The following NDUFA11 variants were observed in gnomAD, a reference collection of about 807,000 sequenced individuals.
NDUFA11 encodes NADH dehydrogenase [ubiquinone] 1 alpha subcomplex subunit 11.
Under a neutral mutation model 11.3 loss-of-function variants are expected in NDUFA11, and 14 were observed. The observed-to-expected ratio is 1.24, with a 90% confidence interval of 0.82 to 1.94. The LOEUF (loss-of-function observed/expected upper bound fraction) is 1.94. NDUFA11 is among the 30% of genes most tolerant of loss of function. NDUFA11 has a pLI of 0.00. For synonymous variants in NDUFA11, 87 were observed against 85.6 expected (o/e 1.02, Z -0.09); for missense variants, 204 against 200.3 (o/e 1.02, Z -0.11).
At chr19:5,899,082 C>T (rs543014915) in intron 1 of NDUFA11, among the ~76,000 whole-genome samples, 2 of 151,878 alleles carry the variant, frequency 1.3e-5, no homozygotes, top group South Asian at 4.2e-4. Context: ...CACACACACA[C>T]ATCCCCCCCT....
downstream of NDUFA11, chr19:5,893,134 G>A (rs2057588033): frequency 6.5e-7 from 1 of 1,536,016 alleles, no homozygotes; most frequent in Non-Finnish European, 8.7e-7. The surrounding 1 kb of genome is among the most constrained non-coding windows in gnomAD (Gnocchi z 4.1). Context: ...GCTCTCTCCA[G>A]AGAGGACTTC....
downstream of NDUFA11, among the ~76,000 whole-genome samples, chr19:5,894,377 C>T (rs571891236): frequency 3.3e-5 from 5 of 152,170 alleles, 1 homozygote; most frequent in African/African-American, 9.7e-5. Flanking sequence ...GGGCTGTGGG[C>T]GGCAGGGCCC....
downstream of NDUFA11, chr19:5,892,974 A>G: frequency 6.6e-7 from 1 of 1,510,132 alleles, no homozygotes; most frequent in Non-Finnish European, 8.8e-7. Flanking sequence ...GGGCTTGGAC[A>G]GGTGTCAGGG....
In NDUFA11 at chr19:5,894,679, CACAG is replaced by C. The variant is rs1408789549; in HGVS notation, c.*59_*62del. The C allele has an allele frequency of 1.9e-6, 3 of 1,579,074 alleles. No homozygotes were observed. The African/African-American group carries it at 4.1e-5, about 21-fold the overall frequency. ...CAAGCCCTCCGGACACTGACACACA[CACAG>C]ACACAGAATTTATTTCTGGACGCAT... On this transcript the variant is annotated 3_prime_UTR_variant, in exon 4 of 4. Coordinates refer to ENST00000308961, the MANE Select transcript of NDUFA11 (RefSeq NM_175614.5).
downstream of NDUFA11, chr19:5,892,031 G>A (rs539409604): frequency 1.3e-5 from 2 of 152,422 alleles, no homozygotes; most frequent in South Asian, 2.1e-4. Flanking sequence ...ATGGGCCGGG[G>A]GGCCTCGGCT....
chr19:5,902,245 G>A (rs2057650721), intron 1 of NDUFA11, among the ~76,000 whole-genome samples: 1 of 151,734 alleles, frequency 6.6e-6, no homozygotes, highest in South Asian at 2.1e-4. Flanking sequence ...GATTACAGGT[G>A]TGAGCCACCA....
intron 1 of NDUFA11, among the ~76,000 whole-genome samples, chr19:5,900,963 T>C (rs1009649858): frequency 1.4e-5 from 2 of 148,052 alleles, no homozygotes; most frequent in Admixed American, 6.7e-5. Context: ...GGAGAATGAA[T>C]GTCACTCTCA....
chr19:5,897,910 G>C (rs1383823701), intron 1 of NDUFA11, among the ~76,000 whole-genome samples: 1 of 152,208 alleles, frequency 6.6e-6, no homozygotes, highest in East Asian at 1.9e-4. Context: ...GATTGAGCCA[G>C]CCCGAGCCGG....
chr19:5,894,810 T>G lies in NDUFA11; in HGVS notation c.358A>C (p.Ile120Leu). 1 of 1,613,554 alleles carries G rather than the reference T, an allele frequency of 6.2e-7. No homozygotes were observed. Reference sequence around the variant, plus strand: ...CCCATCTTGACCAGGGAGGCCGCTATGCCAAAGTACACGCAGGCGGCGGCG... The same window carrying G: ...CCCATCTTGACCAGGGAGGCCGCTAGGCCAAAGTACACGCAGGCGGCGGCG... ...IGAAACVYFG[I>L]AASLVKMGRL... Residue 120 changes from isoleucine (I) to leucine (L), a missense_variant, in exon 4 of 4, where the codon ATA (isoleucine) becomes CTA (leucine). Transcript: ENST00000308961.
At chr19:5,901,052 T>C (rs1017634999) in intron 1 of NDUFA11, among the ~76,000 whole-genome samples, 1 of 152,064 alleles carries the variant, frequency 6.6e-6, no homozygotes, top group African/African-American at 2.4e-5. Flanking sequence ...ATCAGCGATC[T>C]CCTGACATGG....
Position 5,896,868 on chromosome 19 carries a change from G to T in NDUFA11, c.190+37C>A. The T allele has an allele frequency of 6.5e-7, 1 of 1,542,048 alleles. No individual in the cohort carries two copies. The highest frequency in any genetic ancestry group is 9.0e-7 in the Non-Finnish European group (1 of 1,115,030). On this transcript the variant is annotated intron_variant, in intron 2 of 3. Transcript: ENST00000308961. The surrounding 1 kb of genome is among the most constrained non-coding windows in gnomAD (Gnocchi z 5.8). ...TGCTCTGAGAGCTGGGGCTGTGCCA[G>T]GAGAGGGCCCAGCCATGCCCAGCCC... is the stretch of plus-strand genomic sequence containing the variant.
At position 5,894,806 on chromosome 19, in the gene NDUFA11, G is replaced by A. The variant is rs989204591; in HGVS notation, c.362C>T (p.Ala121Val). The A allele has an allele frequency of 4.3e-6, 7 of 1,613,356 alleles. No individual in the cohort carries two copies. The highest frequency in any genetic ancestry group is 1.7e-5 in the Admixed American group (1 of 59,948). The change falls in exon 4 of 4, where the codon GCG (alanine) becomes GTG (valine). Residue 121 changes from alanine (A) to valine (V), a missense_variant. Coordinates refer to ENST00000308961, the MANE Select transcript of NDUFA11 (RefSeq NM_175614.5). ...CCGGCCCATCTTGACCAGGGAGGCCGCTATGCCAAAGTACACGCAGGCGGC... is the reference window on the plus strand; with the variant it reads ...CCGGCCCATCTTGACCAGGGAGGCCACTATGCCAAAGTACACGCAGGCGGC... ...GAAACVYFGI[A>V]ASLVKMGRLE... is the part of the protein sequence containing the mutation.
intron 1 of NDUFA11, among the ~76,000 whole-genome samples, chr19:5,902,817 T>C (rs1599697700): frequency 6.6e-6 from 1 of 152,092 alleles, no homozygotes; most frequent in East Asian, 1.9e-4. Context: ...CAGATCAGTC[T>C]GGCCAACACG....
intron 1 of NDUFA11, among the ~76,000 whole-genome samples, chr19:5,899,538 T>C (rs1010377126): frequency 3.0e-5 from 4 of 131,238 alleles, no homozygotes; most frequent in African/African-American, 1.1e-4. Context: ...CACTGCAACC[T>C]CTGCCTCCTT....
At chr19:5,898,996 C>T (rs146662429) in intron 1 of NDUFA11, among the ~76,000 whole-genome samples, 1,829 of 151,966 alleles carry the variant, frequency 0.012, 15 homozygotes, top group South Asian at 0.027. Flanking sequence ...CCAGTACAGC[C>T]GTCCCCCCAG....
At chr19:5,900,273 AT>A (rs1318467734) in intron 1 of NDUFA11, among the ~76,000 whole-genome samples, 1 of 152,206 alleles carries the variant, frequency 6.6e-6, no homozygotes, top group Non-Finnish European at 1.5e-5. Flanking sequence ...GAATTCATTC[AT>A]TCATTCAGCT....
At chr19:5,900,914 A>G (rs1182093567) in intron 1 of NDUFA11, among the ~76,000 whole-genome samples, 3 of 150,642 alleles carry the variant, frequency 2.0e-5, no homozygotes, top group Non-Finnish European at 3.0e-5. Context: ...CCGTCTCAAA[A>G]AAAAAAAAAA....
downstream of NDUFA11, chr19:5,892,768 G>A (rs2057585384): frequency 2.8e-6 from 3 of 1,075,812 alleles, no homozygotes; most frequent in East Asian, 2.8e-5. Context: ...TCGAGTGGAT[G>A]CGATGCCCGT....
At chr19:5,903,530 G>A (rs1041754378) in intron 1 of NDUFA11, 82 bp downstream of exon 1, 9 of 1,357,236 alleles carry the variant, frequency 6.6e-6, no homozygotes, top group Middle Eastern at 2.4e-4. Context: ...TCCCAGACCC[G>A]TTCGATCCAA....
Sources: allele counts gnomAD v4.1 joint callset (sites outside exome capture counted in the v4.1 genomes callset), GRCh38; gene constraint gnomAD v4.1.1; non-coding constraint Gnocchi (gnomAD v3.1); transcripts MANE v1.5; gene names NCBI Gene and HGNC (gene_info 2026-07-23, HGNC 2026-07-21).